The following CFAP43 variants were observed in gnomAD, a reference collection of about 807,000 sequenced individuals.
CFAP43 encodes the protein cilia- and flagella-associated protein 43.
In CFAP43, 155 loss-of-function variants were observed where a neutral mutation model predicts 218.9. That is an observed-to-expected ratio of 0.71 (90% CI 0.62 to 0.81). The LOEUF (loss-of-function observed/expected upper bound fraction) is 0.81. CFAP43 is among the 30% of genes least tolerant of loss of function. The pLI is 0.00. For synonymous variants in CFAP43, 645 were observed against 681.3 expected, an observed-to-expected ratio of 0.95 and a Z score of 0.83; for missense variants, 1,778 against 1,954.3, an observed-to-expected ratio of 0.91 and a Z score of 1.70.
intron 12 of CFAP43, among the ~76,000 whole-genome samples, chr10:104,189,906 G>A (rs188106983): frequency 2.3e-4 from 35 of 152,188 alleles, no homozygotes; most frequent in African/African-American, 7.9e-4. Flanking sequence ...GGTGGCTCAC[G>A]CCTGTAATCC....
chr10:104,142,208 C>T, intron 33 of CFAP43, 73 bp downstream of exon 33: 1 of 1,258,900 alleles, frequency 7.9e-7, no homozygotes, highest in Non-Finnish European at 1.1e-6. Flanking sequence ...GCATTCTCCC[C>T]AGTGATAACA....
chr10:104,213,875 A>G (rs1317499991), intron 4 of CFAP43, among the ~76,000 whole-genome samples: 1 of 152,134 alleles, frequency 6.6e-6, no homozygotes, highest in African/African-American at 2.4e-5. Context: ...CTTATTTTTG[A>G]AATTCCAGTA....
chr10:104,227,504 C>T (rs1386953914), intron 2 of CFAP43, among the ~76,000 whole-genome samples: 1 of 152,106 alleles, frequency 6.6e-6, no homozygotes. Context: ...TTAAATCACA[C>T]TTTTTAAAAC....
rs1370052857 is a variant in CFAP43 at position 104,187,496 on chromosome 10, T to C, written c.1688-4A>G. 1.9e-6 allele frequency: 3 copies of C among 1,544,426 alleles called. No homozygotes were observed. The highest frequency in any genetic ancestry group is 2.6e-6 in the Non-Finnish European group (3 of 1,151,198). On this transcript the variant is annotated splice_polypyrimidine_tract_variant and splice_region_variant and intron_variant, in intron 13 of 37. Coordinates refer to ENST00000357060, the MANE Select transcript of CFAP43 (RefSeq NM_025145.7). The stretch of plus-strand genomic sequence containing the variant: ...TCATCAGCAAAGGTTGTGGAAACTA[T>C]TAGATTTGGAAAAAGAAGAGAAATC...
intron 27 of CFAP43, among the ~76,000 whole-genome samples, chr10:104,158,083 A>G (rs2088670389): frequency 1.3e-5 from 2 of 152,184 alleles, no homozygotes; most frequent in South Asian, 4.1e-4. Context: ...ATTAAGTTAG[A>G]GTATGCCTCT....
At position 104,179,083 on chromosome 10, in the gene CFAP43, C is replaced by T. The variant is rs140481816; in HGVS notation, c.2406G>A (p.Leu802=). 1,990 of 1,612,942 alleles carry T rather than the reference C, an allele frequency of 1.2e-3. 14 individuals carry two copies. The African/African-American group carries it at 0.02, about 16-fold the overall frequency. ...SQEAIKKEVN[L]FSKKRKEIKQ... ...TTATCTCTTTCCTTTTCTTGGAAAA[C>T]AGATTAACCTCCTTTTTGATGGCCT... The change falls in exon 19 of 38, where the codon CTG becomes CTA. Residue 802 remains leucine (L), a synonymous_variant. Coordinates refer to ENST00000357060, the MANE Select transcript of CFAP43 (RefSeq NM_025145.7).
intron 30 of CFAP43, among the ~76,000 whole-genome samples, 185 bp downstream of exon 30, chr10:104,146,078 A>C (rs2087952025): frequency 6.6e-6 from 1 of 152,244 alleles, no homozygotes; most frequent in African/African-American, 2.4e-5. Flanking sequence ...GAAGCTTATA[A>C]AAATTCATTT....
intron 16 of CFAP43, among the ~76,000 whole-genome samples, chr10:104,183,460 G>A (rs2089923145): frequency 6.6e-6 from 1 of 150,890 alleles, no homozygotes; most frequent in South Asian, 2.1e-4. Flanking sequence ...TGCAATCTCG[G>A]CTCACTGCAA....
At chr10:104,168,371 G>T (rs1397778542) in intron 21 of CFAP43, among the ~76,000 whole-genome samples, 1 of 152,228 alleles carries the variant, frequency 6.6e-6, no homozygotes, top group Non-Finnish European at 1.5e-5. Context: ...ATGAGAAACA[G>T]CTCCTTAGAA....
At chr10:104,184,347 T>C (rs2089960291) in intron 16 of CFAP43, among the ~76,000 whole-genome samples, 1 of 152,166 alleles carries the variant, frequency 6.6e-6, no homozygotes, top group South Asian at 2.1e-4. Context: ...TATACATACA[T>C]GTATATGTCA....
chr10:104,152,907 T>C (rs1439939780), intron 27 of CFAP43, among the ~76,000 whole-genome samples, 181 bp from the exon 28 acceptor site: 1 of 152,150 alleles, frequency 6.6e-6, no homozygotes, highest in Non-Finnish European at 1.5e-5. Flanking sequence ...TACTGTGTGT[T>C]GAGATTTTTG....
intron 31 of CFAP43, among the ~76,000 whole-genome samples, chr10:104,144,730 T>C (rs1042081690): frequency 3.3e-5 from 5 of 152,216 alleles, no homozygotes; most frequent in African/African-American, 1.2e-4. Context: ...AGTTTGTATC[T>C]CAAACACAAA....
intron 4 of CFAP43, among the ~76,000 whole-genome samples, chr10:104,213,605 G>A (rs977541653): frequency 7.9e-5 from 12 of 151,878 alleles, no homozygotes; most frequent in Admixed American, 6.6e-5. Context: ...GCACGATCTC[G>A]GCTCACTGCA....
At position 104,142,307 on chromosome 10, in the gene CFAP43, A is replaced by C; in HGVS notation, c.4245T>G (p.Ile1415Met). Residue 1415 changes from isoleucine to methionine, a missense_variant, in exon 33 of 38, where the codon ATT (isoleucine) becomes ATG (methionine). By Grantham distance (10) the Ile-to-Met change is conservative (BLOSUM62 1). Transcript: ENST00000357060. The part of the protein sequence containing the change: ...VEEEEKVQQE[I>M]ERVFHELILL... ...GGATGAGTTCATGGAACACTCTCTC[A>C]ATCTCCTGTTGCACCTTCTCTTCCT... 1 of 1,613,516 alleles carries C rather than the reference A, an allele frequency of 6.2e-7. No homozygotes were observed. The highest frequency in any genetic ancestry group is 8.5e-7 in the Non-Finnish European group (1 of 1,179,762).
intron 27 of CFAP43, among the ~76,000 whole-genome samples, chr10:104,155,338 A>C (rs1428203642): frequency 6.6e-6 from 1 of 152,150 alleles, no homozygotes; most frequent in Non-Finnish European, 1.5e-5. Flanking sequence ...CACTCATAGC[A>C]GTGAGGGGAT....
chr10:104,212,668 T>C (rs910427744), intron 4 of CFAP43, among the ~76,000 whole-genome samples: 1 of 152,200 alleles, frequency 6.6e-6, no homozygotes, highest in African/African-American at 2.4e-5. Context: ...TATTTAAACA[T>C]ATATTCAGGC....
chr10:104,171,989 T>C (rs754274540), intron 20 of CFAP43, among the ~76,000 whole-genome samples: 1 of 152,152 alleles, frequency 6.6e-6, no homozygotes, highest in Non-Finnish European at 1.5e-5. Flanking sequence ...TTTCTAATCC[T>C]CTACCACTCT....
intron 17 of CFAP43, among the ~76,000 whole-genome samples, chr10:104,180,197 T>C (rs182618439): frequency 6.6e-6 from 1 of 152,352 alleles, no homozygotes; most frequent in East Asian, 1.9e-4. Context: ...GCCTTCTTTG[T>C]TACTGTGACC....
chr10:104,188,002 AC>A (rs2090086054), intron 13 of CFAP43, among the ~76,000 whole-genome samples: 1 of 152,252 alleles, frequency 6.6e-6, no homozygotes, highest in Non-Finnish European at 1.5e-5. Context: ...AAAACAAGAG[AC>A]ATCACAAAAA....
Sources: allele counts gnomAD v4.1 joint callset (sites outside exome capture counted in the v4.1 genomes callset), GRCh38; gene constraint gnomAD v4.1.1; transcripts MANE v1.5; gene names NCBI Gene and HGNC (gene_info 2026-07-23, HGNC 2026-07-21).